Variants in ARL3 observed in about 807,000 individuals in gnomAD.
ARL3 encodes ADP-ribosylation factor-like protein 3.
Under a neutral mutation model 26.0 loss-of-function variants are expected in ARL3, and 9 were observed. The ratio of observed to expected loss-of-function variants is 0.35; its 90% CI spans 0.21 to 0.60. ARL3 has a LOEUF of 0.60. ARL3 is among the 20% of genes least tolerant of loss of function. ARL3 has a pLI of 0.78. For synonymous variants in ARL3, 71 were observed against 78.4 expected (o/e 0.91, Z 0.50); for missense variants, 158 against 215.7 (o/e 0.73, Z 1.67).
rs368868984 is a variant in ARL3 at position 102,685,898 on chromosome 10, G to A, written c.419C>T (p.Ala140Val). Residue 140 changes from alanine (A) to valine (V), a missense_variant, in exon 5 of 6, where the codon GCA (alanine) becomes GTA (valine). By Grantham distance (64) the Ala-to-Val change is moderately conservative. Transcript: ENST00000260746. ...LLTAAPASEI[A>V]EGLNLHTIRD... ...GATGGTATGCAGGTTCAGTCCTTCT[G>A]CAATTTCAGAGGCAGGGGCTGCTGT... 4.3e-6 allele frequency: 7 copies of A among 1,614,052 alleles called. No homozygotes were observed. The highest frequency in any genetic ancestry group is 1.3e-5 in the African/African-American group (1 of 74,914).
intron 5 of ARL3, among the ~76,000 whole-genome samples, chr10:102,683,616 T>C (rs1489997794): frequency 1.3e-5 from 2 of 152,230 alleles, no homozygotes; most frequent in African/African-American, 4.8e-5. Context: ...TCAAATCATA[T>C]ATAATAATCT....
chr10:102,673,781 A>G lies in ARL3; in HGVS notation c.*3113T>C, dbSNP rs1234398916. The G allele has an allele frequency of 1.3e-5, 2 of 152,202 alleles. No homozygotes were observed. The highest frequency in any genetic ancestry group is 2.9e-5 in the Non-Finnish European group (2 of 68,038). 9.4% of individuals were successfully genotyped at this position (152,202 alleles called of 1,614,324 possible). A position where few individuals can be genotyped will look rare whatever the true frequency, so the allele number is the denominator to read the frequency against. On this transcript the variant is annotated 3_prime_UTR_variant, in exon 6 of 6. Coordinates refer to ENST00000260746, the MANE Select transcript of ARL3 (RefSeq NM_004311.4). ...CGGATTTTTGACAGACGTCTAAATT[A>G]TACATTGAGTTTTCCACATGACCAA...
At chr10:102,687,117 C>T (rs2064192057) in intron 4 of ARL3, among the ~76,000 whole-genome samples, 2 of 150,420 alleles carry the variant, frequency 1.3e-5, no homozygotes, top group Admixed American at 6.6e-5. Flanking sequence ...ACCTTGTGAT[C>T]CACCCCCCAC....
chr10:102,713,906 T>C (rs1038995613), intron 1 of ARL3, among the ~76,000 whole-genome samples: 8 of 152,292 alleles, frequency 5.3e-5, no homozygotes, highest in African/African-American at 9.6e-5. Context: ...GCGAGACCGA[T>C]TGCCCGGGAA....
Position 102,675,419 on chromosome 10 carries a change from C to T in ARL3, c.*1475G>A, listed in dbSNP as rs763884582. The T allele has an allele frequency of 6.6e-5, 10 of 152,300 alleles. 1 individual carries two copies. Among genetic ancestry groups the T allele is most frequent in the Non-Finnish European group, 1.5e-4 (10 of 68,096 alleles). 9.4% of individuals were successfully genotyped at this position (152,300 alleles called of 1,614,324 possible). On this transcript the variant is annotated 3_prime_UTR_variant, in exon 6 of 6. Transcript: ENST00000260746. ...CAGTCTGCTCACACGCCCTGATGGG[C>T]TTGGGAAGGGCCACCTCCCAGGATG...
chr10:102,703,028 T>C (rs2136007042), intron 2 of ARL3, among the ~76,000 whole-genome samples: 1 of 152,214 alleles, frequency 6.6e-6, no homozygotes, highest in South Asian at 2.1e-4. Context: ...GCTCTCCCTG[T>C]TGGCTTAGCC....
chr10:102,693,973 C>G (rs1044765522), intron 3 of ARL3, among the ~76,000 whole-genome samples: 1 of 152,058 alleles, frequency 6.6e-6, no homozygotes, highest in Non-Finnish European at 1.5e-5. Context: ...CCAAATCCAG[C>G]TTCCAGAAGT....
At chr10:102,705,603 A>T (rs1487543379) in intron 1 of ARL3, 114 bp from the exon 2 acceptor site, 5 of 1,085,224 alleles carry the variant, frequency 4.6e-6, no homozygotes, top group Non-Finnish European at 4.9e-6. Context: ...AGCTTATGTT[A>T]TTATTTTTCA....
At chr10:102,698,805 T>C (rs796297618) in intron 3 of ARL3, among the ~76,000 whole-genome samples, 8 of 152,348 alleles carry the variant, frequency 5.3e-5, no homozygotes, top group African/African-American at 1.7e-4. Context: ...ATTGTAATTA[T>C]AGGAAACTTC....
At chr10:102,682,207 C>A (rs898786522) in intron 5 of ARL3, among the ~76,000 whole-genome samples, 1 of 152,134 alleles carries the variant, frequency 6.6e-6, no homozygotes, top group South Asian at 2.1e-4. Flanking sequence ...ATAACTGGGT[C>A]TCTCCTCATC....
At chr10:102,691,670 G>A (rs1036940224) in intron 3 of ARL3, among the ~76,000 whole-genome samples, 5 of 152,102 alleles carry the variant, frequency 3.3e-5, no homozygotes, top group African/African-American at 9.7e-5. Flanking sequence ...TCAATTTGTC[G>A]ACCTGCTCTA....
chr10:102,683,646 G>A (rs945809285), intron 5 of ARL3, among the ~76,000 whole-genome samples: 4 of 151,972 alleles, frequency 2.6e-5, no homozygotes, highest in African/African-American at 9.7e-5. Flanking sequence ...CACTCAAACT[G>A]GTTTATTTTG....
chr10:102,705,302 G>T, intron 2 of ARL3, 44 bp downstream of exon 2: 1 of 1,507,206 alleles, frequency 6.6e-7, no homozygotes, highest in Non-Finnish European at 9.0e-7. Context: ...TGCTATTATC[G>T]TCTTCCTGTG....
intron 5 of ARL3, among the ~76,000 whole-genome samples, chr10:102,679,491 G>A (rs2064144784): frequency 6.6e-6 from 1 of 152,228 alleles, no homozygotes; most frequent in African/African-American, 2.4e-5. Flanking sequence ...GCAGGGCAAT[G>A]GCAAGCTGTG....
rs1160815444 is a variant in ARL3 at position 102,675,866 on chromosome 10, G to C, written c.*1028C>G. 2 of 152,524 alleles carry C rather than the reference G, an allele frequency of 1.3e-5. No homozygotes were observed. The highest frequency in any genetic ancestry group is 6.5e-5 in the Admixed American group (1 of 15,268). 9.4% of individuals were successfully genotyped at this position (152,524 alleles called of 1,614,324 possible). On this transcript the variant is annotated 3_prime_UTR_variant, in exon 6 of 6. Coordinates refer to ENST00000260746, the MANE Select transcript of ARL3 (RefSeq NM_004311.4). The stretch of plus-strand genomic sequence containing the variant: ...AATTGATCTAAAAATCGATCTGCCT[G>C]GCTTTTCTCAGTGGAGCAGGTTCAT...
intron 3 of ARL3, 112 bp from the exon 4 acceptor site, chr10:102,690,055 T>G: frequency 1.7e-6 from 1 of 597,554 alleles, no homozygotes; most frequent in Non-Finnish European, 3.0e-6. Flanking sequence ...TAGCACAACA[T>G]ACAGAAATTG....
rs1332119962 is a variant in ARL3, at chr10:102,674,120, T to G, written c.*2774A>C. ...TTTAGTCCAGAGGGGAATAAAGAAA[T>G]TTGTCAAAAGCAAGGAGAGAGAAGT... On this transcript the variant is annotated 3_prime_UTR_variant, in exon 6 of 6. Coordinates refer to ENST00000260746, the MANE Select transcript of ARL3 (RefSeq NM_004311.4). 6.6e-6 allele frequency: 1 copy of G among 152,394 alleles called. No individual in the cohort carries two copies. Among genetic ancestry groups the G allele is most frequent in the Non-Finnish European group, 1.5e-5 (1 of 68,010 alleles). 9.4% of individuals were successfully genotyped at this position (152,394 alleles called of 1,614,324 possible).
At chr10:102,710,813 T>A (rs1477281450) in intron 1 of ARL3, among the ~76,000 whole-genome samples, 1 of 152,214 alleles carries the variant, frequency 6.6e-6, no homozygotes, top group Non-Finnish European at 1.5e-5. Flanking sequence ...TTTTCTACAG[T>A]CAAATCATGA....
chr10:102,704,511 G>A (rs1222322308), intron 2 of ARL3, among the ~76,000 whole-genome samples: 2 of 152,018 alleles, frequency 1.3e-5, no homozygotes, highest in Non-Finnish European at 2.9e-5. Flanking sequence ...ATGGCGGTGT[G>A]CGCCTGTAAT....
Sources: allele counts gnomAD v4.1 joint callset (sites outside exome capture counted in the v4.1 genomes callset), GRCh38; gene constraint gnomAD v4.1.1; transcripts MANE v1.5; gene names NCBI Gene and HGNC (gene_info 2026-07-23, HGNC 2026-07-21).